TEAD1: variants seen among roughly 807,000 people sequenced by gnomAD.
TEAD1 encodes TEA domain transcription factor 1.
In TEAD1, 9 loss-of-function variants were observed where a neutral mutation model predicts 54.9. The observed-to-expected ratio is 0.16, with a 90% CI of 0.10 to 0.29. TEAD1 has a LOEUF of 0.29. Among genes scored for constraint, TEAD1 ranks in the 10% least tolerant of loss-of-function variants. The probability of loss-of-function intolerance (pLI) is 1.00; values close to 1 mark genes in which losing one functional copy is unlikely to be tolerated. For synonymous variants in TEAD1, 200 were observed against 187.8 expected (o/e 1.07, Z -0.53); for missense variants, 387 against 535.9 (o/e 0.72, Z 2.74).
intron 3 of TEAD1, among the ~76,000 whole-genome samples, chr11:12,845,706 T>C (rs61265101): frequency 0.035 from 5,300 of 152,294 alleles, 343 homozygotes; most frequent in African/African-American, 0.12. Flanking sequence ...CACCTGCCCC[T>C]TTTAGCGGTG....
At chr11:12,743,952 G>A (rs1186869964) in intron 2 of TEAD1, among the ~76,000 whole-genome samples, 1 of 152,210 alleles carries the variant, frequency 6.6e-6, no homozygotes, top group African/African-American at 2.4e-5. Context: ...TGTTATGGAA[G>A]TATTTCAGTA....
At chr11:12,817,005 G>A (rs1045029554) in intron 3 of TEAD1, among the ~76,000 whole-genome samples, 2 of 152,168 alleles carry the variant, frequency 1.3e-5, no homozygotes, top group African/African-American at 4.8e-5. Flanking sequence ...GCCGAGGCGA[G>A]GTTTATGCAC....
intron 12 of TEAD1, among the ~76,000 whole-genome samples, chr11:12,934,365 A>G (rs1949063837): frequency 6.6e-6 from 1 of 152,220 alleles, no homozygotes; most frequent in Non-Finnish European, 1.5e-5. Context: ...AGGAAGGGGA[A>G]CATCACACAC....
At chr11:12,790,041 G>A (rs975424724) in intron 3 of TEAD1, among the ~76,000 whole-genome samples, 1 of 152,260 alleles carries the variant, frequency 6.6e-6, no homozygotes, top group African/African-American at 2.4e-5. Flanking sequence ...TATGCTACAG[G>A]TTTCAGCTCA....
At chr11:12,746,081 G>A (rs1197805480) in intron 2 of TEAD1, among the ~76,000 whole-genome samples, 3 of 152,182 alleles carry the variant, frequency 2.0e-5, no homozygotes, top group African/African-American at 2.4e-5. Context: ...AACAATGGAT[G>A]GAGAATCAAT....
chr11:12,806,325 C>T (rs1337119098), intron 3 of TEAD1, among the ~76,000 whole-genome samples: 4 of 152,200 alleles, frequency 2.6e-5, no homozygotes, highest in Non-Finnish European at 5.9e-5. Context: ...CCAGGCCACT[C>T]CTTGCAGTGA....
rs577671600 is a variant in TEAD1 at position 12,767,373 on chromosome 11, A to G, written c.202+2939A>G. 4.7e-4 allele frequency among the ~76,000 whole-genome samples: 72 copies of G among 152,344 alleles called. 2 individuals are homozygous for G. Among genetic ancestry groups the G allele is most frequent in the African/African-American group, 1.7e-3 (69 of 41,576 alleles). On this transcript the variant is annotated intron_variant, in intron 3 of 12. Transcript: ENST00000527636. ...AACATTTAAAGCATTTTTGAATTCC[A>G]TGCAGTAAAATAAAAACGGTTTAGT...
intron 2 of TEAD1, among the ~76,000 whole-genome samples, chr11:12,683,476 C>T (rs1379052426): frequency 6.6e-6 from 1 of 152,124 alleles, no homozygotes; most frequent in African/African-American, 2.4e-5. Flanking sequence ...GAAACACACT[C>T]ACTGGGGTAA....
rs1231740571 is a variant in TEAD1, at chr11:12,943,509, T to TA, written c.*6289dup. On this transcript the variant is annotated 3_prime_UTR_variant, in exon 13 of 13. Transcript: ENST00000527636. ...ATTTATTGTCCTACTTCCTAAGCCG[T>TA]AACTTCTTTTCCTCTGTGAATTTGC... 6.6e-6 allele frequency: 1 copy of TA among 152,572 alleles called. No individual in the cohort carries two copies. 9.5% of individuals were successfully genotyped at this position (152,572 alleles called of 1,614,324 possible).
At chr11:12,770,405 A>C (rs1945290592) in intron 3 of TEAD1, among the ~76,000 whole-genome samples, 1 of 152,230 alleles carries the variant, frequency 6.6e-6, no homozygotes, top group African/African-American at 2.4e-5. Flanking sequence ...GCAGTGGATG[A>C]GCCCTGGGAT....
chr11:12,855,267 C>CT (rs965320958), intron 3 of TEAD1, among the ~76,000 whole-genome samples: 27 of 151,368 alleles, frequency 1.8e-4, no homozygotes, highest in African/African-American at 5.6e-4. Flanking sequence ...TGCTTGCTTT[C>CT]TTTTTTTTTC....
At chr11:12,805,368 A>G (rs546837991) in intron 3 of TEAD1, among the ~76,000 whole-genome samples, 1 of 152,320 alleles carries the variant, frequency 6.6e-6, no homozygotes, top group East Asian at 1.9e-4. Flanking sequence ...GAGATGGGCA[A>G]TTTTAACTGC....
chr11:12,803,627 C>T (rs539094797), intron 3 of TEAD1, among the ~76,000 whole-genome samples: 2 of 152,310 alleles, frequency 1.3e-5, no homozygotes, highest in Admixed American at 1.3e-4. Flanking sequence ...CGTGCTGGGA[C>T]GCTTAGGAGC....
At chr11:12,718,152 T>C (rs1260098736) in intron 2 of TEAD1, among the ~76,000 whole-genome samples, 1 of 152,300 alleles carries the variant, frequency 6.6e-6, no homozygotes, top group Non-Finnish European at 1.5e-5. Flanking sequence ...TCCCACCATG[T>C]CATACAGAGA....
intron 9 of TEAD1, among the ~76,000 whole-genome samples, chr11:12,899,638 A>C (rs1008337701): frequency 1.8e-4 from 28 of 152,276 alleles, no homozygotes; most frequent in African/African-American, 6.7e-4. Context: ...TTTTAAAAAT[A>C]ATTTCTTCCT....
At chr11:12,918,048 A>G (rs1948746014) in intron 10 of TEAD1, among the ~76,000 whole-genome samples, 1 of 152,200 alleles carries the variant, frequency 6.6e-6, no homozygotes, top group African/African-American at 2.4e-5. Context: ...AATAGTTTGT[A>G]TCTCTGATAG....
intron 2 of TEAD1, among the ~76,000 whole-genome samples, chr11:12,708,612 C>T (rs1420965376): frequency 1.3e-5 from 2 of 152,146 alleles, no homozygotes; most frequent in Non-Finnish European, 2.9e-5. Flanking sequence ...TTTCACTTCA[C>T]AGAATTTATC....
chr11:12,679,731 A>G (rs1297469111), intron 2 of TEAD1, among the ~76,000 whole-genome samples: 1 of 152,098 alleles, frequency 6.6e-6, no homozygotes, highest in East Asian at 1.9e-4. Context: ...TGCAATCTCA[A>G]TTTAACTTGA....
intron 10 of TEAD1, among the ~76,000 whole-genome samples, chr11:12,918,945 C>T (rs1376210325): frequency 2.6e-5 from 4 of 152,162 alleles, no homozygotes; most frequent in Admixed American, 2.6e-4. Context: ...TGTGATGTTT[C>T]AGGATCATGG....
Sources: gnomAD v4.1 joint callset for allele counts (sites outside exome capture counted in the v4.1 genomes callset) on GRCh38, gnomAD v4.1.1 for gene constraint, MANE v1.5 for transcripts, NCBI Gene and HGNC (gene_info 2026-07-23, HGNC 2026-07-21) for gene names.